The following MACROD1 variants were observed in gnomAD, a reference collection of about 807,000 sequenced individuals.
The protein encoded by MACROD1 is mono-ADP ribosylhydrolase 1.
Under a neutral mutation model 41.4 loss-of-function variants are expected in MACROD1, and 31 were observed. That is an observed-to-expected ratio of 0.75 (90% CI 0.56 to 1.01). The LOEUF (loss-of-function observed/expected upper bound fraction) is 1.01, where lower values mean the gene tolerates loss of function less well. Among genes scored for constraint, MACROD1 ranks in the 50% least tolerant of loss-of-function variants. The pLI is 0.00. For synonymous variants in MACROD1, 252 were observed against 203.4 expected, an observed-to-expected ratio of 1.24 and a Z score of -2.03; for missense variants, 473 against 460.0, an observed-to-expected ratio of 1.03 and a Z score of -0.26.
chr11:64,087,938 G>A (rs1944422991), intron 3 of MACROD1, among the ~76,000 whole-genome samples: 1 of 152,168 alleles, frequency 6.6e-6, no homozygotes, highest in African/African-American at 2.4e-5. Flanking sequence ...ATTGTGTCAG[G>A]AGGGGAGGCC....
intron 3 of MACROD1, among the ~76,000 whole-genome samples, chr11:64,108,989 CG>C (rs1274387423): frequency 2.0e-5 from 3 of 152,192 alleles, no homozygotes; most frequent in Admixed American, 6.5e-5. Flanking sequence ...GTGGGGGAGA[CG>C]TGACCAGCAT....
chr11:64,083,830 C>G (rs897661174), intron 3 of MACROD1, among the ~76,000 whole-genome samples: 4 of 152,318 alleles, frequency 2.6e-5, no homozygotes, highest in African/African-American at 9.6e-5. Context: ...AACAGACCGA[C>G]GGATCTGCCA....
intron 3 of MACROD1, among the ~76,000 whole-genome samples, chr11:64,058,129 G>GC (rs1287022783): frequency 1.3e-5 from 2 of 152,256 alleles, no homozygotes; most frequent in East Asian, 1.9e-4. Flanking sequence ...CCTTACTGCA[G>GC]CCCCCAGCGA....
intron 3 of MACROD1, among the ~76,000 whole-genome samples, chr11:64,041,199 TAAAAAAAA>T (rs71045724): frequency 4.2e-4 from 9 of 21,604 alleles, no homozygotes; most frequent in Non-Finnish European, 6.0e-4. Context: ...TAGCAAACTG[TAAAAAAAA>T]AAAAAAAAAA....
At chr11:64,058,287 G>A (rs1307261666) in intron 3 of MACROD1, among the ~76,000 whole-genome samples, 1 of 152,268 alleles carries the variant, frequency 6.6e-6, no homozygotes, top group Non-Finnish European at 1.5e-5. Context: ...GGGGACTACT[G>A]TCGGCTCTGC....
intron 3 of MACROD1, chr11:64,116,874 C>G: frequency 6.2e-7 from 1 of 1,611,932 alleles, no homozygotes; most frequent in Non-Finnish European, 8.5e-7. Flanking sequence ...GCTGGAGGAG[C>G]TGCGGCTGGA....
intron 4 of MACROD1, among the ~76,000 whole-genome samples, chr11:64,007,274 G>T (rs1217954903): frequency 6.6e-6 from 1 of 152,246 alleles, no homozygotes; most frequent in Non-Finnish European, 1.5e-5. Flanking sequence ...GACGGGACAC[G>T]CGGCTCTAAG....
In MACROD1 at chr11:64,143,801, C is replaced by CACACACACAA. The variant is rs762084927; in HGVS notation, c.517+7437_517+7438insTTGTGTGTGT. On this transcript the variant is annotated intron_variant, in intron 3 of 10. Transcript: ENST00000255681. ...ACACACACACACACACACACACACACAATTTCCTGGGGGCTCTGGAGCTCG... is the reference window on the plus strand; with the variant it reads ...ACACACACACACACACACACACACACACACACACAAAATTTCCTGGGGGCTCTGGAGCTCG... 1.7e-3 allele frequency among the ~76,000 whole-genome samples: 246 copies of CACACACACAA among 144,962 alleles called. 2 individuals are homozygous for CACACACACAA. The highest frequency in any genetic ancestry group is 3.2e-3 in the Admixed American group (46 of 14,412).
At chr11:64,145,137 G>C (rs2134689214) in intron 3 of MACROD1, among the ~76,000 whole-genome samples, 1 of 152,272 alleles carries the variant, frequency 6.6e-6, no homozygotes, top group South Asian at 2.1e-4. Flanking sequence ...ACAAATCAAA[G>C]CCCCAAGACT....
At chr11:64,116,155 G>A (rs2134615447) in intron 3 of MACROD1, 11 of 1,452,186 alleles carry the variant, frequency 7.6e-6, no homozygotes, top group South Asian at 1.4e-5. Flanking sequence ...GGGAATGCAC[G>A]ATTCACTCCT....
chr11:64,028,184 G>A (rs541405613), intron 3 of MACROD1, among the ~76,000 whole-genome samples: 1 of 152,314 alleles, frequency 6.6e-6, no homozygotes, highest in East Asian at 1.9e-4. Context: ...GCATGGGAAG[G>A]GCCGGGTGGG....
rs991541935 is a variant in MACROD1 at position 64,155,277 on chromosome 11, AAGAG to A, written c.299-2888_299-2885del. Among the ~76,000 whole-genome samples the A allele has an allele frequency of 5.9e-5, 9 of 152,366 alleles. No individual in the cohort carries two copies. The East Asian group carries it at 7.7e-4, about 13-fold the overall frequency. On this transcript the variant is annotated intron_variant, in intron 1 of 10. Coordinates refer to ENST00000255681, the MANE Select transcript of MACROD1 (RefSeq NM_014067.4). ...GATCCCCTAATTAAAAAAGAAAAAA[AAGAG>A]AGAGAGCATTTGGGTGGAGAAAGTG... is the stretch of plus-strand genomic sequence containing the variant.
chr11:64,017,480 C>T (rs1399318678), intron 3 of MACROD1, among the ~76,000 whole-genome samples: 3 of 152,108 alleles, frequency 2.0e-5, no homozygotes, highest in South Asian at 2.1e-4. Flanking sequence ...AGCCAAGCCA[C>T]GAAGCCAGCT....
intron 3 of MACROD1, among the ~76,000 whole-genome samples, chr11:64,109,769 A>G (rs574093365): frequency 6.6e-6 from 1 of 152,172 alleles, no homozygotes; most frequent in Admixed American, 6.5e-5. Context: ...GGCTGCCAGC[A>G]TGGCTTGGGG....
At chr11:64,159,397 G>A (rs957901271) in intron 1 of MACROD1, among the ~76,000 whole-genome samples, 1 of 151,960 alleles carries the variant, frequency 6.6e-6, no homozygotes, top group Admixed American at 6.6e-5. Flanking sequence ...TCAAGAGGCT[G>A]AGGTGGGAGG....
chr11:64,118,230 TA>T, intron 3 of MACROD1: 1 of 1,611,862 alleles, frequency 6.2e-7, no homozygotes, highest in South Asian at 1.1e-5. Flanking sequence ...CACCATTGGC[TA>T]CGGCACCACG....
At chr11:64,124,938 C>T (rs1420714008) in intron 3 of MACROD1, among the ~76,000 whole-genome samples, 2 of 152,234 alleles carry the variant, frequency 1.3e-5, no homozygotes, top group East Asian at 3.8e-4. Context: ...CCTTGGCCTC[C>T]CAAAGTGCTG....
intron 3 of MACROD1, among the ~76,000 whole-genome samples, chr11:64,030,054 C>G (rs1254142884): frequency 1.3e-5 from 2 of 152,050 alleles, no homozygotes; most frequent in African/African-American, 2.4e-5. Context: ...GGAACAACCA[C>G]CCCCCGGGTG....
intron 3 of MACROD1, among the ~76,000 whole-genome samples, chr11:64,023,520 G>A (rs1354550453): frequency 6.6e-6 from 1 of 152,186 alleles, no homozygotes; most frequent in Non-Finnish European, 1.5e-5. Context: ...GGGGCAGAAG[G>A]TCCCAGCACT....
Sources: allele counts gnomAD v4.1 joint callset (sites outside exome capture counted in the v4.1 genomes callset), GRCh38; gene constraint gnomAD v4.1.1; transcripts MANE v1.5; gene names NCBI Gene and HGNC (gene_info 2026-07-23, HGNC 2026-07-21).